Variants in SYNE2 observed in about 807,000 individuals in gnomAD.
The protein encoded by SYNE2 is nesprin-2.
Under a neutral mutation model 856.3 loss-of-function variants are expected in SYNE2, and 431 were observed. The observed-to-expected ratio is 0.50, with a 90% CI of 0.47 to 0.55. SYNE2 has a LOEUF of 0.55. SYNE2 is among the 20% of genes least tolerant of loss of function. The pLI is 0.00. For synonymous variants in SYNE2, 2,923 were observed against 2,872.3 expected (o/e 1.02, Z -0.56); for missense variants, 8,129 against 8,023.2 (o/e 1.01, Z -0.50).
rs531189127 is a variant in SYNE2 at position 64,004,621 on chromosome 14, C to T, written c.4397+1291C>T. 2.7e-4 allele frequency among the ~76,000 whole-genome samples: 41 copies of T among 152,256 alleles called. No homozygotes were observed. The East Asian group carries it at 7.2e-3, about 27-fold the overall frequency. ...TTGGGATTACAGGCGTGAGCCACCG[C>T]GCCTGGCCTCTTCCCCCCTTTCTAA... On this transcript the variant is annotated intron_variant, in intron 30 of 115. Coordinates refer to ENST00000555002, the MANE Select transcript of SYNE2 (RefSeq NM_182914.3).
At position 64,003,251 on chromosome 14, in the gene SYNE2, C is replaced by T; in HGVS notation, c.4318C>T (p.Leu1440Phe). 6.2e-7 allele frequency: 1 copy of T among 1,613,804 alleles called. No individual in the cohort carries two copies. The highest frequency in any genetic ancestry group is 8.5e-7 in the Non-Finnish European group (1 of 1,179,942). ...TTGTATTTTCAAAAATAATGAACTC[C>T]TTAAAAATATTCAAGATGTGCAGAG... The part of the protein sequence containing the change: ...EACIFKNNEL[L>F]KNIQDVQSQI... The change falls in exon 30 of 116, where the codon CTT (leucine) becomes TTT (phenylalanine). Residue 1440 changes from leucine (L) to phenylalanine (F), a missense_variant. Transcript: ENST00000555002.
At chr14:64,101,697 G>A (rs2097731073) in intron 63 of SYNE2, among the ~76,000 whole-genome samples, 1 of 152,080 alleles carries the variant, frequency 6.6e-6, no homozygotes. Flanking sequence ...GACGTGAGCC[G>A]AGCCCCTACT....
intron 99 of SYNE2, among the ~76,000 whole-genome samples, chr14:64,194,079 TACAGTGGTG>T (rs2098529961): frequency 6.6e-6 from 1 of 150,964 alleles, no homozygotes; most frequent in Admixed American, 6.6e-5. Flanking sequence ...GGCAGCTTCT[TACAGTGGTG>T]ACATCTACAC....
chr14:63,907,349 G>T (rs2095420739), intron 1 of SYNE2, among the ~76,000 whole-genome samples: 1 of 152,174 alleles, frequency 6.6e-6, no homozygotes, highest in African/African-American at 2.4e-5. Flanking sequence ...TTTAGAGCAT[G>T]AACTCTGAAG....
intron 100 of SYNE2, among the ~76,000 whole-genome samples, chr14:64,206,500 G>A (rs2140079632): frequency 6.7e-6 from 1 of 148,646 alleles, no homozygotes; most frequent in East Asian, 2.0e-4. Flanking sequence ...ATTGTGTGGT[G>A]TTTTACATGG....
At chr14:63,808,260 G>C (rs780675364) in intron 1 of SYNE2, among the ~76,000 whole-genome samples, 1 of 151,680 alleles carries the variant, frequency 6.6e-6, no homozygotes, top group East Asian at 1.9e-4. Flanking sequence ...AATCTGCCTC[G>C]GGTGGATCAC....
At chr14:63,927,139 A>G (rs1459286490) in intron 2 of SYNE2, among the ~76,000 whole-genome samples, 2 of 152,168 alleles carry the variant, frequency 1.3e-5, no homozygotes, top group African/African-American at 4.8e-5. Context: ...TGTTGCTAAG[A>G]GCAGAGAGAA....
At chr14:63,895,452 A>T (rs2095232182) in intron 1 of SYNE2, among the ~76,000 whole-genome samples, 1 of 151,600 alleles carries the variant, frequency 6.6e-6, no homozygotes, top group African/African-American at 2.4e-5. Flanking sequence ...CTCACCAATG[A>T]ATAACAATTT....
chr14:63,769,718 T>TA (rs35285205), intron 1 of SYNE2, among the ~76,000 whole-genome samples: 11 of 120,826 alleles, frequency 9.1e-5, no homozygotes, highest in Non-Finnish European at 1.5e-4. Flanking sequence ...ACCCTGTCTC[T>TA]AAAAAAAAAA....
chr14:64,157,757 T>C (rs901101010), intron 85 of SYNE2, among the ~76,000 whole-genome samples: 1 of 152,256 alleles, frequency 6.6e-6, no homozygotes, highest in Admixed American at 6.5e-5. Flanking sequence ...ATCTGACTTT[T>C]TGATTATGGC....
rs1448270652 is a variant in SYNE2 at position 64,143,965 on chromosome 14, CA to C, written c.15483+19del. The stretch of plus-strand genomic sequence containing the variant: ...AATAGAAAGGTGTGTTCCTGCGTCA[CA>C]ACTGGATGTGTGGTTTGACCTTTAT... On this transcript the variant is annotated intron_variant, in intron 83 of 115. Transcript: ENST00000555002. The C allele has an allele frequency of 6.2e-7, 1 of 1,613,968 alleles. No homozygotes were observed. The highest frequency in any genetic ancestry group is 2.2e-5 in the East Asian group (1 of 44,884).
intron 2 of SYNE2, among the ~76,000 whole-genome samples, chr14:63,928,253 A>G (rs1266054004): frequency 6.6e-6 from 1 of 152,152 alleles, no homozygotes; most frequent in African/African-American, 2.4e-5. Context: ...ATAGGGCGGT[A>G]GAGTATGATT....
intron 108 of SYNE2, 37 bp downstream of exon 108, chr14:64,216,424 T>C: frequency 1.2e-6 from 2 of 1,604,806 alleles, no homozygotes; most frequent in Non-Finnish European, 1.7e-6. Flanking sequence ...AGCCTATGTC[T>C]GTGAGTCATA....
intron 110 of SYNE2, among the ~76,000 whole-genome samples, chr14:64,220,002 A>G (rs79363148): frequency 0.016 from 2,407 of 152,310 alleles, 75 homozygotes; most frequent in African/African-American, 0.055. Flanking sequence ...GGGGTTTTGG[A>G]GGATCCAGGT....
At chr14:63,990,337 T>A in intron 19 of SYNE2, 74 bp from the exon 20 acceptor site, 1 of 1,484,858 alleles carries the variant, frequency 6.7e-7, no homozygotes, top group South Asian at 1.2e-5. Flanking sequence ...TTTGGTTTCC[T>A]GAGATTGTTT....
intron 57 of SYNE2, among the ~76,000 whole-genome samples, chr14:64,086,119 TC>T: frequency 6.6e-6 from 1 of 152,208 alleles, no homozygotes. Flanking sequence ...TGTGTTTTCT[TC>T]CAGTAACTTG....
intron 61 of SYNE2, among the ~76,000 whole-genome samples, chr14:64,094,011 C>T (rs1489717556): frequency 6.6e-6 from 1 of 152,170 alleles, no homozygotes; most frequent in Non-Finnish European, 1.5e-5. Context: ...TATTGCCATA[C>T]TGACATATTG....
chr14:64,098,871 A>G, intron 63 of SYNE2, 50 bp downstream of exon 63: 2 of 1,566,898 alleles, frequency 1.3e-6, no homozygotes, highest in Non-Finnish European at 1.8e-6. Context: ...AGATCTCTAA[A>G]AGAAGTCAAT....
At position 64,131,515 on chromosome 14, in the gene SYNE2, C is replaced by G. The variant is rs186545545; in HGVS notation, c.14341-750C>G. Among the ~76,000 whole-genome samples, 65 of 152,306 alleles carry G rather than the reference C, an allele frequency of 4.3e-4. 1 individual carries two copies. Among genetic ancestry groups the G allele is most frequent in the Non-Finnish European group, 7.9e-4 (54 of 68,028 alleles). ...GGGTTGCTTGAGTTTGCACATCTGTCCATCCAACTTGTCTTGAAATTCATC... is the reference window on the plus strand; with the variant it reads ...GGGTTGCTTGAGTTTGCACATCTGTGCATCCAACTTGTCTTGAAATTCATC... On this transcript the variant is annotated intron_variant, in intron 76 of 115. Transcript: ENST00000555002.
Sources: allele counts gnomAD v4.1 joint callset (sites outside exome capture counted in the v4.1 genomes callset), GRCh38; gene constraint gnomAD v4.1.1; transcripts MANE v1.5; gene names NCBI Gene and HGNC (gene_info 2026-07-23, HGNC 2026-07-21).